The following PTPRD variants were observed in gnomAD, a reference collection of about 807,000 sequenced individuals.
PTPRD encodes protein tyrosine phosphatase receptor type D, also known as receptor-type tyrosine-protein phosphatase delta.
A neutral mutation model predicts 214.5 loss-of-function variants in PTPRD; 34 were observed. That is an observed-to-expected ratio of 0.16 (90% confidence interval 0.12 to 0.21). The LOEUF (loss-of-function observed/expected upper bound fraction) is 0.21, where lower values mean the gene tolerates loss of function less well. PTPRD is among the 10% of genes least tolerant of loss of function. The probability of loss-of-function intolerance (pLI) is 1.00; values close to 1 mark genes in which losing one functional copy is unlikely to be tolerated. For missense variants in PTPRD, 2,545 were observed against 2,398.7 expected (o/e 1.06, Z -1.27); for synonymous variants, 1,128 against 845.7 (o/e 1.33, Z -5.79).
At chr9:10,270,357 T>C (rs571944707) in intron 3 of PTPRD, among the ~76,000 whole-genome samples, 68 of 152,274 alleles carry the variant, frequency 4.5e-4, no homozygotes, top group African/African-American at 1.6e-3. Context: ...AATGCATCTC[T>C]AGTTAAGGGC....
intron 9 of PTPRD, among the ~76,000 whole-genome samples, chr9:9,336,692 T>C (rs1305737628): frequency 3.9e-5 from 6 of 152,134 alleles, no homozygotes; most frequent in Non-Finnish European, 7.4e-5. Context: ...TAAATATCTA[T>C]GAGATATATT....
At chr9:10,313,397 T>TACACACACACACACACACAC (rs60788124) in intron 3 of PTPRD, among the ~76,000 whole-genome samples, 2,051 of 148,418 alleles carry the variant, frequency 0.014, 44 homozygotes, top group African/African-American at 0.039. Context: ...AGGTACAGAT[T>TACACACACACACACACACAC]ACACACACAC....
At chr9:10,142,015 C>A (rs893192016) in intron 3 of PTPRD, among the ~76,000 whole-genome samples, 50 of 152,188 alleles carry the variant, frequency 3.3e-4, no homozygotes, top group Non-Finnish European at 6.0e-4. Flanking sequence ...CCAAAACAAG[C>A]AATGGGGAAA....
At chr9:8,499,871 A>ATAGGC in intron 24 of PTPRD, 31 bp from the exon 25 acceptor site, 1 of 1,574,076 alleles carries the variant, frequency 6.4e-7, no homozygotes, top group Non-Finnish European at 8.6e-7. Context: ...AAAAGAAATT[A>ATAGGC]TAGGCACTTG....
chr9:8,411,474 T>C (rs185265070), intron 35 of PTPRD, among the ~76,000 whole-genome samples: 245 of 152,148 alleles, frequency 1.6e-3, no homozygotes, highest in Non-Finnish European at 7.6e-4. Flanking sequence ...TGGCTAACTT[T>C]TGTATTTTTA....
At chr9:8,562,584 G>A (rs1032867301) in intron 14 of PTPRD, among the ~76,000 whole-genome samples, 1 of 151,990 alleles carries the variant, frequency 6.6e-6, no homozygotes, top group Non-Finnish European at 1.5e-5. Flanking sequence ...CTACAGACAT[G>A]TGCTGCCACG....
At chr9:9,287,108 C>T (rs1949729765) in intron 9 of PTPRD, among the ~76,000 whole-genome samples, 2 of 150,428 alleles carry the variant, frequency 1.3e-5, no homozygotes, top group South Asian at 4.2e-4. Context: ...ACCTGAAGTC[C>T]CAGCTACTTA....
At chr9:8,430,811 C>A (rs138889789) in intron 35 of PTPRD, among the ~76,000 whole-genome samples, 1 of 152,198 alleles carries the variant, frequency 6.6e-6, no homozygotes, top group Non-Finnish European at 1.5e-5. Flanking sequence ...ACTAAGAGTG[C>A]CATCTTCTCT....
At chr9:9,602,392 T>A (rs2093839493) in intron 7 of PTPRD, among the ~76,000 whole-genome samples, 1 of 152,010 alleles carries the variant, frequency 6.6e-6, no homozygotes, top group African/African-American at 2.4e-5. Flanking sequence ...GCAATGGTCA[T>A]TTAAAACAAC....
intron 7 of PTPRD, among the ~76,000 whole-genome samples, chr9:9,585,630 A>T (rs913890122): frequency 6.6e-6 from 1 of 152,052 alleles, no homozygotes; most frequent in Non-Finnish European, 1.5e-5. Context: ...AAGGCTAGTC[A>T]TTACTGATTC....
In PTPRD at chr9:8,797,242, G is replaced by A. The variant is rs543233901; in HGVS notation, c.-103-63296C>T. The A allele has an allele frequency of 2.0e-4, 31 of 152,178 alleles. 1 individual carries two copies. The South Asian group carries it at 6.2e-3, about 31-fold the overall frequency. 9.4% of individuals were successfully genotyped at this position (152,178 alleles called of 1,614,324 possible). On this transcript the variant is annotated intron_variant, in intron 11 of 45. Transcript: ENST00000381196. The stretch of plus-strand genomic sequence containing the variant: ...AAATAAATTCAAGCTACAAATGAAC[G>A]TAAATCCTAATACGATTGCCTTATG...
intron 11 of PTPRD, among the ~76,000 whole-genome samples, chr9:8,980,527 T>C (rs2099306272): frequency 1.3e-5 from 2 of 152,068 alleles, no homozygotes; most frequent in Non-Finnish European, 2.9e-5. Context: ...TTTTAAAAAG[T>C]CTATTGGAAA....
chr9:9,831,278 G>A (rs1299672656), intron 5 of PTPRD, among the ~76,000 whole-genome samples: 1 of 151,868 alleles, frequency 6.6e-6, no homozygotes, highest in Non-Finnish European at 1.5e-5. Context: ...GACATTTTTT[G>A]ACATTGCTTA....
intron 8 of PTPRD, among the ~76,000 whole-genome samples, chr9:9,418,226 T>G (rs1252485753): frequency 6.6e-6 from 1 of 152,008 alleles, no homozygotes; most frequent in Non-Finnish European, 1.5e-5. Context: ...CTCAATGATG[T>G]ATTTCTGAAT....
chr9:10,497,031 G>A (rs767861234), intron 2 of PTPRD, among the ~76,000 whole-genome samples: 1 of 151,966 alleles, frequency 6.6e-6, no homozygotes, highest in South Asian at 2.1e-4. Flanking sequence ...ATAATCCTAA[G>A]TGAATTATCA....
At chr9:10,200,716 G>A (rs1185096075) in intron 3 of PTPRD, among the ~76,000 whole-genome samples, 1 of 152,030 alleles carries the variant, frequency 6.6e-6, no homozygotes, top group Non-Finnish European at 1.5e-5. Flanking sequence ...TGCAGAGGAA[G>A]GGGATGAAAA....
At chr9:10,312,315 A>T (rs1035571566) in intron 3 of PTPRD, among the ~76,000 whole-genome samples, 2 of 152,028 alleles carry the variant, frequency 1.3e-5, no homozygotes, top group African/African-American at 4.8e-5. Context: ...TGTAAAGAAC[A>T]TTGATTTCTT....
chr9:8,356,727 C>A (rs567551120), intron 39 of PTPRD, among the ~76,000 whole-genome samples: 20 of 152,296 alleles, frequency 1.3e-4, no homozygotes, highest in African/African-American at 4.6e-4. Context: ...CCAGACTCAG[C>A]TGCAGGCAGG....
chr9:9,738,501 C>T (rs553868792), intron 6 of PTPRD, among the ~76,000 whole-genome samples: 6 of 122,074 alleles, frequency 4.9e-5, no homozygotes, highest in East Asian at 2.3e-4. Context: ...TAGAGACCAT[C>T]AGTGCGATCT....
Sources: allele counts gnomAD v4.1 joint callset (sites outside exome capture counted in the v4.1 genomes callset), GRCh38; gene constraint gnomAD v4.1.1; transcripts MANE v1.5; gene names NCBI Gene and HGNC (gene_info 2026-07-23, HGNC 2026-07-21).